OPCML: variants seen among roughly 807,000 people sequenced by gnomAD.
OPCML encodes the protein opioid-binding protein/cell adhesion molecule.
A neutral mutation model predicts 37.8 loss-of-function variants in OPCML; 13 were observed. That is an observed-to-expected ratio of 0.34 (90% confidence interval 0.22 to 0.55). The LOEUF (loss-of-function observed/expected upper bound fraction) is 0.55. Ranked by LOEUF, OPCML falls within the 20% of genes least tolerant of loss-of-function variation. OPCML has a pLI of 0.91. For synonymous variants in OPCML, 176 were observed against 168.8 expected, an observed-to-expected ratio of 1.04 and a Z score of -0.33; for missense variants, 341 against 435.6, an observed-to-expected ratio of 0.78 and a Z score of 1.93.
chr11:133,060,120 G>T (rs1277779118), intron 1 of OPCML, among the ~76,000 whole-genome samples: 3 of 152,024 alleles, frequency 2.0e-5, no homozygotes, highest in Non-Finnish European at 4.4e-5. Flanking sequence ...AATGGAATTA[G>T]AATAAAGGAT....
chr11:132,792,952 C>T (rs899905734), intron 2 of OPCML, among the ~76,000 whole-genome samples: 1 of 152,256 alleles, frequency 6.6e-6, no homozygotes, highest in African/African-American at 2.4e-5. Flanking sequence ...ACAGGACTCA[C>T]ATTTCCAGCC....
At chr11:133,373,015 G>T (rs1378131575) in intron 1 of OPCML, among the ~76,000 whole-genome samples, 1 of 151,570 alleles carries the variant, frequency 6.6e-6, no homozygotes, top group Non-Finnish European at 1.5e-5. Flanking sequence ...TTTCTTTGAG[G>T]GAAAAGTACA....
chr11:133,042,858 C>A (rs1029904236), intron 1 of OPCML, among the ~76,000 whole-genome samples: 7 of 152,058 alleles, frequency 4.6e-5, no homozygotes, highest in Admixed American at 4.6e-4. Flanking sequence ...TTGAAGACAC[C>A]CGAGACGCCT....
intron 1 of OPCML, among the ~76,000 whole-genome samples, chr11:133,375,377 A>G (rs1278096945): frequency 6.6e-6 from 1 of 152,218 alleles, no homozygotes; most frequent in Admixed American, 6.5e-5. Context: ...CACGTGCCAC[A>G]AATGCTTGTT....
At chr11:133,257,291 G>A (rs1023028950) in intron 1 of OPCML, among the ~76,000 whole-genome samples, 6 of 152,156 alleles carry the variant, frequency 3.9e-5, no homozygotes, top group African/African-American at 1.4e-4. Flanking sequence ...TCCTGAATAG[G>A]AGTCCAAGTG....
chr11:133,458,165 CATAT>C (rs1207482236), intron 1 of OPCML, among the ~76,000 whole-genome samples: 1 of 140,060 alleles, frequency 7.1e-6, no homozygotes, highest in African/African-American at 2.7e-5. Context: ...TATATATATA[CATAT>C]ACATATATGT....
intron 1 of OPCML, among the ~76,000 whole-genome samples, chr11:133,183,627 G>A (rs1011553915): frequency 3.3e-5 from 5 of 152,148 alleles, no homozygotes; most frequent in Admixed American, 2.6e-4. Context: ...ATTTTCGAGA[G>A]TGTATTGTAT....
intron 3 of OPCML, among the ~76,000 whole-genome samples, chr11:132,554,428 C>A (rs1401105201): frequency 6.6e-6 from 1 of 152,192 alleles, no homozygotes; most frequent in Non-Finnish European, 1.5e-5. Flanking sequence ...GAAAATGAAA[C>A]CATTTCCAGC....
At chr11:132,796,841 AT>A (rs1220549720) in intron 2 of OPCML, among the ~76,000 whole-genome samples, 1 of 152,002 alleles carries the variant, frequency 6.6e-6, no homozygotes, top group Non-Finnish European at 1.5e-5. Flanking sequence ...TGAGTGTGAA[AT>A]GGTATCGTAT....
intron 1 of OPCML, among the ~76,000 whole-genome samples, chr11:133,191,882 T>G (rs1042883817): frequency 2.6e-5 from 4 of 152,178 alleles, no homozygotes; most frequent in African/African-American, 4.8e-5. Context: ...GTACAGTCAT[T>G]GGTCATATTT....
chr11:132,704,127 T>C (rs1410093782), intron 2 of OPCML, among the ~76,000 whole-genome samples: 2 of 152,118 alleles, frequency 1.3e-5, no homozygotes, highest in African/African-American at 2.4e-5. Flanking sequence ...GGAGAAAACC[T>C]AGAGCCTGAG....
At chr11:133,270,624 G>A (rs1024883682) in intron 1 of OPCML, among the ~76,000 whole-genome samples, 10 of 152,182 alleles carry the variant, frequency 6.6e-5, no homozygotes, top group African/African-American at 2.4e-4. Flanking sequence ...GAGGTACACT[G>A]GCTGACAGAG....
At chr11:132,866,723 A>G (rs7103119) in intron 2 of OPCML, among the ~76,000 whole-genome samples, 16,782 of 152,276 alleles carry the variant, frequency 0.11, 1,146 homozygotes, top group South Asian at 0.23. Flanking sequence ...ATTATCTTAC[A>G]AGATATCATT....
chr11:133,056,027 G>A (rs201067244), intron 1 of OPCML, among the ~76,000 whole-genome samples: 4 of 152,112 alleles, frequency 2.6e-5, no homozygotes, highest in African/African-American at 9.6e-5. Flanking sequence ...TGAGGGAGCC[G>A]CCTCTACCGT....
Position 132,520,961 on chromosome 11 carries a change from G to A in OPCML, c.505+8100C>T, listed in dbSNP as rs368551016. Among the ~76,000 whole-genome samples the A allele has an allele frequency of 6.9e-4, 105 of 152,048 alleles. 1 individual carries two copies. The highest frequency in any genetic ancestry group is 6.9e-3 in the South Asian group (33 of 4,792). On this transcript the variant is annotated intron_variant, in intron 4 of 7. Coordinates refer to ENST00000524381, the MANE Select transcript of OPCML (RefSeq NM_001012393.5). ...CCTGGTTCCAGATCCTTGAGGAATC[G>A]CCATGGTCTTCCACAATGGTTGAAC...
chr11:132,657,045 T>C, intron 3 of OPCML, 42 bp downstream of exon 3: 2 of 1,600,704 alleles, frequency 1.2e-6, no homozygotes, highest in Non-Finnish European at 1.7e-6. Context: ...TTCCCCTCCA[T>C]CACTGACGGG....
At chr11:132,737,317 C>A (rs1362665855) in intron 2 of OPCML, among the ~76,000 whole-genome samples, 1 of 152,070 alleles carries the variant, frequency 6.6e-6, no homozygotes, top group Non-Finnish European at 1.5e-5. Context: ...AGTACTTATT[C>A]CCCAGAGTTT....
At chr11:133,281,216 C>T (rs1942145853) in intron 1 of OPCML, among the ~76,000 whole-genome samples, 1 of 152,138 alleles carries the variant, frequency 6.6e-6, no homozygotes, top group South Asian at 2.1e-4. Context: ...CGCCTCCAAA[C>T]CTCATGTTGA....
intron 3 of OPCML, among the ~76,000 whole-genome samples, chr11:132,641,951 G>C (rs61346062): frequency 0.047 from 7,150 of 152,250 alleles, 378 homozygotes; most frequent in African/African-American, 0.13. Flanking sequence ...ATGGAGATGT[G>C]TGTACCACAG....
Sources: allele counts gnomAD v4.1 joint callset (sites outside exome capture counted in the v4.1 genomes callset), GRCh38; gene constraint gnomAD v4.1.1; transcripts MANE v1.5; gene names NCBI Gene and HGNC (gene_info 2026-07-23, HGNC 2026-07-21).